ARHGEF10: variants seen among roughly 807,000 people sequenced by gnomAD.
ARHGEF10 encodes Rho guanine nucleotide exchange factor 10, also known as Rho guanine nucleotide exchange factor (GEF) 10.
Under a neutral mutation model 147.4 loss-of-function variants are expected in ARHGEF10, and 140 were observed. That is an observed-to-expected ratio of 0.95 (90% CI 0.83 to 1.09). The LOEUF (loss-of-function observed/expected upper bound fraction) is 1.09. Ranked by LOEUF, ARHGEF10 falls within the 50% of genes least tolerant of loss-of-function variation. The pLI is 0.00. For missense variants in ARHGEF10, 2,222 were observed against 1,752.7 expected, an observed-to-expected ratio of 1.27 and a Z score of -4.78; for synonymous variants, 902 against 695.8, an observed-to-expected ratio of 1.30 and a Z score of -4.67.
chr8:1,880,187 T>C, intron 9 of ARHGEF10, 23 bp downstream of exon 9: 1 of 1,531,090 alleles, frequency 6.5e-7, no homozygotes, highest in Non-Finnish European at 9.0e-7. Flanking sequence ...CCCCGGCCGC[T>C]GCCCCCACTT....
intron 2 of ARHGEF10, among the ~76,000 whole-genome samples, chr8:1,854,807 C>G (rs1200690984): frequency 6.6e-6 from 1 of 152,236 alleles, no homozygotes; most frequent in Admixed American, 6.5e-5. Context: ...GTGCGTGTCA[C>G]ACATTGCCGC....
chr8:1,925,543 T>A, intron 22 of ARHGEF10, 139 bp downstream of exon 22: 1 of 1,224,626 alleles, frequency 8.2e-7, no homozygotes, highest in Non-Finnish European at 1.1e-6. Context: ...TCTCTAGAGG[T>A]CATTTATCTG....
rs1814760941 is a variant in ARHGEF10 at position 1,948,359 on chromosome 8, G to A, written c.3397+2704G>A. On this transcript the variant is annotated intron_variant, in intron 27 of 28. Transcript: ENST00000349830. The surrounding 1 kb of genome is among the most constrained non-coding windows in gnomAD (Gnocchi z 4.9). ...GACCCGCATGAAAGCAAACACATGA[G>A]TCTGTCCAGATGGAGTGCCGTGCTT... 6.6e-6 allele frequency among the ~76,000 whole-genome samples: 1 copy of A among 152,210 alleles called. No individual in the cohort carries two copies. The highest frequency in any genetic ancestry group is 6.5e-5 in the Admixed American group (1 of 15,288).
rs143949339 is a variant in ARHGEF10 at position 1,889,547 on chromosome 8, G to T, written c.1182+3840G>T. 5.9e-4 allele frequency among the ~76,000 whole-genome samples: 62 copies of T among 104,272 alleles called. 9 individuals carry two copies. Among genetic ancestry groups the T allele is most frequent in the African/African-American group, 2.5e-3 (61 of 24,164 alleles). 68.4% of individuals were successfully genotyped at this position (104,272 alleles called of 152,430 possible). A position where few individuals can be genotyped will look rare whatever the true frequency, so the allele number is the denominator to read the frequency against. ...GGGTATTGAGGAGACACTGAGTAGG[G>T]TAAGGAGTCTGTGTGGAGACACTGA... On this transcript the variant is annotated intron_variant, in intron 11 of 28. Transcript: ENST00000349830.
At chr8:1,871,232 T>C (rs1365577834) in intron 7 of ARHGEF10, 3 of 152,162 alleles carry the variant, frequency 2.0e-5, no homozygotes, top group Admixed American at 2.0e-4. Context: ...TATGTATTTT[T>C]TTAAACACAT....
intron 1 of ARHGEF10, chr8:1,825,983 A>G (rs1585187444): frequency 6.8e-6 from 5 of 734,738 alleles, no homozygotes; most frequent in Admixed American, 5.3e-5. Flanking sequence ...AAGAGAGATG[A>G]TTACTGAGGT....
chr8:1,928,162 G>A (rs957394863), intron 23 of ARHGEF10, among the ~76,000 whole-genome samples: 4 of 152,122 alleles, frequency 2.6e-5, no homozygotes, highest in African/African-American at 4.8e-5. Context: ...TGATGAGTAC[G>A]TGATTTTTAA....
At chr8:1,894,653 C>T (rs1304049936) in intron 13 of ARHGEF10, 81 bp downstream of exon 13, 3 of 1,488,406 alleles carry the variant, frequency 2.0e-6, no homozygotes, top group East Asian at 4.5e-5. Context: ...TGATGTTTTG[C>T]CCCTGATCTC....
chr8:1,953,270 G>GGATCCGAAA (rs1267466414), intron 28 of ARHGEF10, among the ~76,000 whole-genome samples: 1 of 22,326 alleles, frequency 4.5e-5, no homozygotes. Flanking sequence ...AGGAAGCCGG[G>GGATCCGAAA]ATCTCCGTCA....
chr8:1,851,105 T>A (rs1805102082), intron 2 of ARHGEF10, among the ~76,000 whole-genome samples: 1 of 151,660 alleles, frequency 6.6e-6, no homozygotes, highest in Non-Finnish European at 1.5e-5. Context: ...GGTGCATCCA[T>A]GTCATTACAC....
Position 1,876,717 on chromosome 8 carries a change from A to G in ARHGEF10, c.826A>G (p.Ser276Gly). The change falls in exon 8 of 29, where the codon AGC becomes GGC. Residue 276 changes from serine to glycine, a missense_variant. Ser to Gly is a moderately conservative substitution (Grantham distance 56). Coordinates refer to ENST00000349830, the MANE Select transcript of ARHGEF10 (RefSeq NM_014629.4). ...KNGIPRSFLR[S>G]NHKKQLSHDL... ...TGGGATTCCCAGGTCCTTCCTGCGC[A>G]GCAACCACAAAAAGCAAGTACGTGT... 6.2e-7 allele frequency: 1 copy of G among 1,614,210 alleles called. No homozygotes were observed. The highest frequency in any genetic ancestry group is 8.5e-7 in the Non-Finnish European group (1 of 1,180,042).
intron 1 of ARHGEF10, among the ~76,000 whole-genome samples, chr8:1,830,991 C>T (rs1046853397): frequency 2.0e-5 from 3 of 152,248 alleles, no homozygotes; most frequent in African/African-American, 7.2e-5. Context: ...CCAGGAACAG[C>T]AGGTCGGCCA....
chr8:1,888,123 G>A (rs1440887242), intron 11 of ARHGEF10, among the ~76,000 whole-genome samples: 3 of 93,744 alleles, frequency 3.2e-5, no homozygotes, highest in Non-Finnish European at 5.6e-5. Flanking sequence ...ACTTAGTGGG[G>A]TGAGGGTTTG....
intron 14 of ARHGEF10, among the ~76,000 whole-genome samples, chr8:1,898,146 C>T (rs1044967739): frequency 3.9e-5 from 6 of 152,196 alleles, no homozygotes. Context: ...AGAACACAGA[C>T]ACCCAAGGAC....
chr8:1,926,050 A>C (rs1812666499), intron 22 of ARHGEF10, among the ~76,000 whole-genome samples: 1 of 152,186 alleles, frequency 6.6e-6, no homozygotes, highest in South Asian at 2.1e-4. Context: ...GGGGAGAGGC[A>C]CAGGCCATCA....
intron 2 of ARHGEF10, among the ~76,000 whole-genome samples, chr8:1,853,773 A>ACAGCC (rs1158531524): frequency 2.0e-5 from 3 of 152,224 alleles, no homozygotes; most frequent in African/African-American, 7.2e-5. Flanking sequence ...AATGTAGGTC[A>ACAGCC]CAGCCTTCCT....
intron 7 of ARHGEF10, chr8:1,876,280 G>T (rs76590232): frequency 1.9e-5 from 9 of 484,828 alleles, no homozygotes; most frequent in South Asian, 1.8e-4. Flanking sequence ...TACCTGGCAT[G>T]ACTGTGGCGG....
chr8:1,885,405 A>G (rs1808570856), intron 10 of ARHGEF10, among the ~76,000 whole-genome samples, 196 bp from the exon 11 acceptor site: 1 of 152,204 alleles, frequency 6.6e-6, no homozygotes, highest in Non-Finnish European at 1.5e-5. Flanking sequence ...ATACAGACAA[A>G]TATTGTATTA....
At chr8:1,881,946 A>G (rs1279560732) in intron 9 of ARHGEF10, among the ~76,000 whole-genome samples, 1 of 152,324 alleles carries the variant, frequency 6.6e-6, no homozygotes, top group East Asian at 1.9e-4. Context: ...GGAATAAGAA[A>G]TCAGATGGCA....
Sources: gnomAD v4.1 joint callset for allele counts (sites outside exome capture counted in the v4.1 genomes callset) on GRCh38, gnomAD v4.1.1 for gene constraint, Gnocchi (gnomAD v3.1) non-coding constraint, MANE v1.5 for transcripts, NCBI Gene and HGNC (gene_info 2026-07-23, HGNC 2026-07-21) for gene names.